SULF1: variants seen among roughly 807,000 people sequenced by gnomAD.
The protein encoded by SULF1 is extracellular sulfatase Sulf-1.
In SULF1, 46 loss-of-function variants were observed where a neutral mutation model predicts 110.5. The ratio of observed to expected loss-of-function variants is 0.42; its 90% CI spans 0.33 to 0.53. SULF1 has a LOEUF of 0.53. SULF1 is among the 20% of genes least tolerant of loss of function. SULF1 has a pLI of 0.12. For synonymous variants in SULF1, 371 were observed against 387.1 expected (o/e 0.96, Z 0.49); for missense variants, 941 against 1,094.2 (o/e 0.86, Z 1.98).
chr8:69,622,872 T>C (rs1357862421), intron 14 of SULF1, among the ~76,000 whole-genome samples: 5 of 152,062 alleles, frequency 3.3e-5, no homozygotes, highest in Admixed American at 6.5e-5. Flanking sequence ...TTGACACCCC[T>C]ACTGTCACGG....
intron 11 of SULF1, 95 bp downstream of exon 11, chr8:69,603,415 T>C: frequency 6.3e-7 from 1 of 1,585,662 alleles, no homozygotes; most frequent in Non-Finnish European, 8.6e-7. Context: ...GGAGGCAGAA[T>C]ATGCCTTGCC....
rs1812052454 is a variant in SULF1, at chr8:69,517,973, G to A, written c.-134+16005G>A. Among the ~76,000 whole-genome samples, 3 of 152,284 alleles carry A rather than the reference G, an allele frequency of 2.0e-5. No individual in the cohort carries two copies. In the South Asian group the frequency reaches 6.2e-4, roughly 32 times the overall value. ...TACATTTATCATAGGCATATGGTTT[G>A]TATATTTTTGTTATAGAATTAATCA... On this transcript the variant is annotated intron_variant, in intron 3 of 22. Transcript: ENST00000402687.
At chr8:69,590,311 G>A (rs950989821) in intron 8 of SULF1, among the ~76,000 whole-genome samples, 4 of 152,006 alleles carry the variant, frequency 2.6e-5, no homozygotes, top group African/African-American at 9.7e-5. Context: ...ACAGGCACAC[G>A]CCACCACACC....
chr8:69,551,285 A>G (rs10504449), intron 3 of SULF1, among the ~76,000 whole-genome samples: 3,806 of 152,330 alleles, frequency 0.025, 142 homozygotes, highest in African/African-American at 0.085. Context: ...TTTAATGAAC[A>G]TAACAAACTC....
intron 6 of SULF1, among the ~76,000 whole-genome samples, chr8:69,577,369 TG>T (rs1805687923): frequency 6.6e-6 from 1 of 152,214 alleles, no homozygotes; most frequent in Non-Finnish European, 1.5e-5. Context: ...GTTTTATAAC[TG>T]AGGTGGGGAT....
chr8:69,517,522 G>T (rs80098224), intron 3 of SULF1, among the ~76,000 whole-genome samples: 1,970 of 152,212 alleles, frequency 0.013, 88 homozygotes, highest in East Asian at 0.12. Context: ...GAGATTAAAA[G>T]ACTTGAGGTA....
chr8:69,520,612 C>T (rs997967388), intron 3 of SULF1, among the ~76,000 whole-genome samples: 3 of 152,102 alleles, frequency 2.0e-5, no homozygotes, highest in South Asian at 2.1e-4. Context: ...GGTCCCAAAA[C>T]GATTTAAAAC....
chr8:69,519,038 G>A (rs1243814459), intron 3 of SULF1, among the ~76,000 whole-genome samples: 3 of 152,098 alleles, frequency 2.0e-5, no homozygotes, highest in South Asian at 2.1e-4. Flanking sequence ...TACATTACTT[G>A]TGTCCCTTCT....
chr8:69,520,691 T>C (rs962406332), intron 3 of SULF1, among the ~76,000 whole-genome samples: 1 of 152,196 alleles, frequency 6.6e-6, no homozygotes. Context: ...CAGTTAAGAA[T>C]TTAAAGTGAG....
chr8:69,575,849 C>G (rs1805573365), intron 5 of SULF1, 121 bp from the exon 6 acceptor site: 1 of 1,175,956 alleles, frequency 8.5e-7, no homozygotes, highest in Admixed American at 2.8e-5. Flanking sequence ...AAATTATAGA[C>G]TCCTTTAAGC....
At chr8:69,621,647 A>T (rs866550899) in intron 14 of SULF1, among the ~76,000 whole-genome samples, 1 of 152,238 alleles carries the variant, frequency 6.6e-6, no homozygotes, top group Non-Finnish European at 1.5e-5. Flanking sequence ...TTCAGTGTGT[A>T]TGCATTTAAT....
chr8:69,597,346 G>C (rs1472426336), intron 8 of SULF1: 1 of 152,212 alleles, frequency 6.6e-6, no homozygotes, highest in African/African-American at 2.4e-5. Flanking sequence ...GTGGGAAGCA[G>C]TGGCAGTCTG....
intron 9 of SULF1, among the ~76,000 whole-genome samples, chr8:69,601,157 C>G (rs1389083073): frequency 6.6e-6 from 1 of 152,186 alleles, no homozygotes; most frequent in Non-Finnish European, 1.5e-5. Flanking sequence ...ATCAGCAGGT[C>G]TTCTGACTTT....
At position 69,660,430 on chromosome 8, in the gene SULF1, CT is replaced by C. The variant is rs1307974715; in HGVS notation, c.*1897del. ...GAAAATCTGTATTCTTGAAAATATC[CT>C]TGTTGTGTATTAGGTTTTTAAATAC... On this transcript the variant is annotated 3_prime_UTR_variant, in exon 23 of 23. Coordinates refer to ENST00000402687, the MANE Select transcript of SULF1 (RefSeq NM_001128205.2). 1 of 152,356 alleles carries C rather than the reference CT, an allele frequency of 6.6e-6. No homozygotes were observed. Among genetic ancestry groups the C allele is most frequent in the Non-Finnish European group, 1.5e-5 (1 of 68,002 alleles). The allele number at this position is 152,356 out of a possible 1,614,324, so 9.4% of individuals were successfully genotyped here.
chr8:69,614,061 C>A (rs1866897), intron 13 of SULF1, among the ~76,000 whole-genome samples: 61,468 of 151,954 alleles, frequency 0.4, 12,913 homozygotes, highest in East Asian at 0.64. Flanking sequence ...AGATCACATT[C>A]TTTAAGTAAT....
intron 1 of SULF1, among the ~76,000 whole-genome samples, chr8:69,475,707 G>C (rs1211295726): frequency 6.6e-6 from 1 of 152,090 alleles, no homozygotes; most frequent in Non-Finnish European, 1.5e-5. Flanking sequence ...ACACTCAATA[G>C]AACTTTATAA....
upstream of SULF1, among the ~76,000 whole-genome samples, chr8:69,491,382 A>G (rs1809934656): frequency 2.0e-5 from 3 of 152,340 alleles, no homozygotes; most frequent in South Asian, 6.2e-4. Flanking sequence ...GTTCCTCCAT[A>G]AAATCAGTCC....
chr8:69,609,259 T>C (rs1238552268), intron 13 of SULF1, among the ~76,000 whole-genome samples: 1 of 152,148 alleles, frequency 6.6e-6, no homozygotes, highest in Non-Finnish European at 1.5e-5. Context: ...GGTGAGGGAA[T>C]CGCTTGAGCC....
chr8:69,655,632 C>T (rs975736527), intron 22 of SULF1, among the ~76,000 whole-genome samples: 8 of 152,142 alleles, frequency 5.3e-5, no homozygotes, highest in Admixed American at 4.6e-4. Context: ...GTCTTAAACT[C>T]CTGACCTCAA....
Sources: gnomAD v4.1 joint callset for allele counts (sites outside exome capture counted in the v4.1 genomes callset) on GRCh38, gnomAD v4.1.1 for gene constraint, MANE v1.5 for transcripts, NCBI Gene and HGNC (gene_info 2026-07-23, HGNC 2026-07-21) for gene names.